GALNTL6: variants seen among roughly 807,000 people sequenced by gnomAD.
The protein encoded by GALNTL6 is polypeptide N-acetylgalactosaminyltransferase-like 6.
In GALNTL6, 46 loss-of-function variants were observed where a neutral mutation model predicts 73.7. The observed-to-expected ratio is 0.62, with a 90% CI of 0.49 to 0.80. The LOEUF (loss-of-function observed/expected upper bound fraction) is 0.80. GALNTL6 is among the 30% of genes least tolerant of loss of function. The probability of loss-of-function intolerance (pLI) is 0.00; values close to 1 mark genes in which losing one functional copy is unlikely to be tolerated. For missense variants in GALNTL6, 604 were observed against 755.0 expected (o/e 0.80, Z 2.34); for synonymous variants, 259 against 263.7 (o/e 0.98, Z 0.17).
chr4:172,755,237 T>TATAG (rs58940503), intron 5 of GALNTL6, among the ~76,000 whole-genome samples: 6,389 of 145,574 alleles, frequency 0.044, 241 homozygotes, highest in African/African-American at 0.1. Flanking sequence ...AAATGACAGA[T>TATAG]ATAGATAGAT....
chr4:172,108,717 T>C (rs898832277), intron 2 of GALNTL6, among the ~76,000 whole-genome samples: 4 of 151,760 alleles, frequency 2.6e-5, no homozygotes, highest in South Asian at 4.2e-4. Flanking sequence ...AAAGCGGAGG[T>C]GCAATAGAAA....
chr4:172,817,916 C>T (rs556590425), intron 7 of GALNTL6, among the ~76,000 whole-genome samples: 4 of 151,984 alleles, frequency 2.6e-5, no homozygotes, highest in African/African-American at 4.8e-5. Context: ...ACTTGAGATA[C>T]GAGGAATATC....
At chr4:172,515,908 C>G (rs145219639) in intron 5 of GALNTL6, among the ~76,000 whole-genome samples, 2 of 152,174 alleles carry the variant, frequency 1.3e-5, no homozygotes, top group South Asian at 2.1e-4. Context: ...GCACTCTGCT[C>G]GAACCCTTCA....
In GALNTL6 at chr4:172,444,294, TG is replaced by T. The variant is rs546136800; in HGVS notation, c.553+95606del. ...AAAGAAGGCAAACTAAGGAAAACAC[TG>T]TTTGTTGGCCCCAATGTTGATGCCA... On this transcript the variant is annotated intron_variant, in intron 5 of 12. Coordinates refer to ENST00000506823, the MANE Select transcript of GALNTL6 (RefSeq NM_001034845.3). Among the ~76,000 whole-genome samples, 23 of 152,312 alleles carry T rather than the reference TG, an allele frequency of 1.5e-4. No individual in the cohort carries two copies. In the East Asian group the frequency reaches 4.4e-3, roughly 29 times the overall value.
chr4:172,749,486 A>T (rs944203124), intron 5 of GALNTL6, among the ~76,000 whole-genome samples: 3 of 152,112 alleles, frequency 2.0e-5, no homozygotes, highest in African/African-American at 4.8e-5. Flanking sequence ...CTAAGTTTTT[A>T]TATGAGAATG....
intron 12 of GALNTL6, among the ~76,000 whole-genome samples, chr4:173,035,431 G>T (rs996612581): frequency 1.3e-5 from 2 of 152,144 alleles, no homozygotes; most frequent in African/African-American, 4.8e-5. Flanking sequence ...GCCCGCCTTG[G>T]CCTCCCAAAG....
At chr4:171,853,892 G>T (rs370985843) in intron 2 of GALNTL6, among the ~76,000 whole-genome samples, 3 of 151,940 alleles carry the variant, frequency 2.0e-5, no homozygotes, top group Non-Finnish European at 4.4e-5. Context: ...GATTACAGGC[G>T]TGAGCCACCG....
chr4:172,206,913 G>A (rs1463945510), intron 2 of GALNTL6, among the ~76,000 whole-genome samples: 2 of 146,956 alleles, frequency 1.4e-5, no homozygotes, highest in African/African-American at 2.5e-5. Context: ...CGCCTCTCGG[G>A]TTCAGGCTAT....
At chr4:172,670,909 C>A (rs534809384) in intron 5 of GALNTL6, among the ~76,000 whole-genome samples, 81 of 152,194 alleles carry the variant, frequency 5.3e-4, no homozygotes, top group Non-Finnish European at 5.6e-4. Flanking sequence ...AATAGGGTAT[C>A]CTTTCCTTAT....
At chr4:172,679,293 C>T (rs1443423118) in intron 5 of GALNTL6, among the ~76,000 whole-genome samples, 4 of 151,970 alleles carry the variant, frequency 2.6e-5, no homozygotes, top group South Asian at 2.1e-4. Context: ...CGCCTGTAAT[C>T]GCAGCCACTC....
At chr4:172,063,046 G>T (rs1731256297) in intron 2 of GALNTL6, among the ~76,000 whole-genome samples, 1 of 152,168 alleles carries the variant, frequency 6.6e-6, no homozygotes, top group African/African-American at 2.4e-5. Flanking sequence ...CCAGCTGTTG[G>T]CACCAGAGTA....
At chr4:172,743,820 T>C (rs984796563) in intron 5 of GALNTL6, among the ~76,000 whole-genome samples, 4 of 152,140 alleles carry the variant, frequency 2.6e-5, no homozygotes, top group South Asian at 2.1e-4. Flanking sequence ...ATATCAAAGA[T>C]TGTGTTGACA....
intron 5 of GALNTL6, among the ~76,000 whole-genome samples, chr4:172,375,876 G>A (rs960188691): frequency 6.6e-6 from 1 of 152,148 alleles, no homozygotes; most frequent in Non-Finnish European, 1.5e-5. Context: ...CTTTACCCGT[G>A]TCCTATAAAG....
intron 2 of GALNTL6, among the ~76,000 whole-genome samples, chr4:172,091,840 G>T (rs1020542041): frequency 2.6e-5 from 4 of 152,286 alleles, no homozygotes; most frequent in African/African-American, 9.6e-5. Context: ...GAGAGACAGT[G>T]AGAGAGACAG....
rs372800301 is a variant in GALNTL6, at chr4:173,029,553, G to A, written c.1638+7928G>A. On this transcript the variant is annotated intron_variant, in intron 12 of 12. Transcript: ENST00000506823. ...GTAGAATAAGTTTCTAGCACCTTTT[G>A]TTATGAGCTTCTAGCATGCTTTGCT... is the stretch of plus-strand genomic sequence containing the variant. 8.4e-4 allele frequency among the ~76,000 whole-genome samples: 128 copies of A among 152,254 alleles called. No homozygotes were observed. In the South Asian group the frequency reaches 0.011, roughly 13 times the overall value.
chr4:172,872,525 G>A (rs1055588110), intron 7 of GALNTL6, among the ~76,000 whole-genome samples: 18 of 152,124 alleles, frequency 1.2e-4, no homozygotes, highest in Admixed American at 1.0e-3. Context: ...ACAATGTAGT[G>A]AGACTTTAAA....
chr4:172,173,844 C>T (rs899456015), intron 2 of GALNTL6, among the ~76,000 whole-genome samples: 3 of 151,946 alleles, frequency 2.0e-5, no homozygotes, highest in African/African-American at 7.3e-5. Flanking sequence ...GCTTGATCAC[C>T]CCAGCAATGG....
intron 2 of GALNTL6, among the ~76,000 whole-genome samples, chr4:172,051,358 C>T (rs1314559558): frequency 6.6e-6 from 1 of 152,100 alleles, no homozygotes; most frequent in Non-Finnish European, 1.5e-5. Flanking sequence ...CAGCTCAGTG[C>T]CCTCTTGATA....
intron 4 of GALNTL6, among the ~76,000 whole-genome samples, chr4:172,313,359 G>T (rs1345088041): frequency 6.6e-6 from 1 of 151,904 alleles, no homozygotes; most frequent in Non-Finnish European, 1.5e-5. Flanking sequence ...TCCTGACCTC[G>T]TGATCCGCCC....
Sources: allele counts gnomAD v4.1 joint callset (sites outside exome capture counted in the v4.1 genomes callset), GRCh38; gene constraint gnomAD v4.1.1; transcripts MANE v1.5; gene names NCBI Gene and HGNC (gene_info 2026-07-23, HGNC 2026-07-21).